Variants in CHST8 observed in about 807,000 individuals in gnomAD.
CHST8 encodes GALNAC-4-ST1.
In CHST8, 10 loss-of-function variants were observed where a neutral mutation model predicts 15.0. That is an observed-to-expected ratio of 0.67 (90% CI 0.41 to 1.13). The LOEUF is 1.13. Ranked by LOEUF, CHST8 falls within the 50% of genes most tolerant of loss-of-function variation. The pLI is 0.00. For synonymous variants in CHST8, 259 were observed against 256.6 expected (o/e 1.01, Z -0.09); for missense variants, 634 against 608.2 (o/e 1.04, Z -0.45).
chr19:33,648,866 A>T (rs1376870258), intron 1 of CHST8, among the ~76,000 whole-genome samples: 5 of 151,570 alleles, frequency 3.3e-5, no homozygotes, highest in Admixed American at 6.6e-5. Flanking sequence ...TATCTGTACA[A>T]TGCAATATTA....
At chr19:33,711,368 A>C (rs1973545586) in intron 3 of CHST8, among the ~76,000 whole-genome samples, 1 of 152,212 alleles carries the variant, frequency 6.6e-6, no homozygotes, top group Non-Finnish European at 1.5e-5. Flanking sequence ...CTCTGTAAAT[A>C]GAGCCCTCAG....
chr19:33,673,456 G>C (rs552340292), intron 2 of CHST8, among the ~76,000 whole-genome samples: 1 of 152,190 alleles, frequency 6.6e-6, no homozygotes, highest in Non-Finnish European at 1.5e-5. Flanking sequence ...GGAGGCCAGA[G>C]AATGTGTAGG....
chr19:33,649,187 A>G (rs1972399692), intron 1 of CHST8, among the ~76,000 whole-genome samples: 1 of 152,102 alleles, frequency 6.6e-6, no homozygotes, highest in Non-Finnish European at 1.5e-5. Context: ...TACAGACAGG[A>G]GCCACTGTGC....
intron 3 of CHST8, among the ~76,000 whole-genome samples, chr19:33,764,877 G>C (rs969955051): frequency 5.9e-5 from 9 of 151,812 alleles, no homozygotes; most frequent in African/African-American, 9.7e-5. Flanking sequence ...AAAATCCACT[G>C]TATCATTCTT....
At chr19:33,648,087 G>A (rs1972376800) in intron 1 of CHST8, among the ~76,000 whole-genome samples, 1 of 152,036 alleles carries the variant, frequency 6.6e-6, no homozygotes, top group Non-Finnish European at 1.5e-5. Context: ...TGGTGGATGT[G>A]GGGGATTGGC....
At chr19:33,728,237 C>T (rs1219697475) in intron 3 of CHST8, among the ~76,000 whole-genome samples, 1 of 152,282 alleles carries the variant, frequency 6.6e-6, no homozygotes, top group Non-Finnish European at 1.5e-5. Context: ...ATCATTCACA[C>T]ATCCCCGTTG....
intron 1 of CHST8, among the ~76,000 whole-genome samples, chr19:33,653,385 A>T (rs1025740146): frequency 6.6e-6 from 1 of 152,012 alleles, no homozygotes; most frequent in Non-Finnish European, 1.5e-5. Flanking sequence ...CTCTCTGGTT[A>T]TTTTTGTGAC....
intron 3 of CHST8, among the ~76,000 whole-genome samples, chr19:33,707,879 G>A (rs1395089552): frequency 5.3e-5 from 8 of 152,196 alleles, no homozygotes; most frequent in African/African-American, 1.7e-4. Flanking sequence ...CACCAGCAGG[G>A]TATGAAGGTT....
chr19:33,745,966 G>A (rs950748648), intron 3 of CHST8, among the ~76,000 whole-genome samples: 1 of 152,196 alleles, frequency 6.6e-6, no homozygotes, highest in Non-Finnish European at 1.5e-5. Context: ...GACAAGGAGT[G>A]ACTAAGGTTT....
At chr19:33,644,318 G>T (rs1972322035) in intron 1 of CHST8, among the ~76,000 whole-genome samples, 1 of 152,102 alleles carries the variant, frequency 6.6e-6, no homozygotes, top group Non-Finnish European at 1.5e-5. Flanking sequence ...GTGTGTGCTG[G>T]GTGCATGTCA....
At chr19:33,685,628 G>A (rs1972964027) in intron 2 of CHST8, among the ~76,000 whole-genome samples, 1 of 152,134 alleles carries the variant, frequency 6.6e-6, no homozygotes, top group Non-Finnish European at 1.5e-5. Context: ...TGATGAGGAT[G>A]GGACAGTCCC....
chr19:33,769,564 C>G (rs1031370296), intron 3 of CHST8, among the ~76,000 whole-genome samples: 8 of 151,998 alleles, frequency 5.3e-5, no homozygotes, highest in Non-Finnish European at 1.0e-4. Context: ...TCTGGAGGCT[C>G]GTGCTGGGAC....
intron 3 of CHST8, among the ~76,000 whole-genome samples, chr19:33,714,390 A>G (rs1438166247): frequency 6.6e-6 from 1 of 152,238 alleles, no homozygotes; most frequent in African/African-American, 2.4e-5. Context: ...CCTAAGTGAA[A>G]TAACTCAGAA....
At chr19:33,657,164 CAT>C (rs1568317140) in intron 1 of CHST8, among the ~76,000 whole-genome samples, 24 of 149,140 alleles carry the variant, frequency 1.6e-4, no homozygotes, top group African/African-American at 5.6e-4. Context: ...CACAAACACA[CAT>C]ATACTTATAC....
intron 2 of CHST8, among the ~76,000 whole-genome samples, chr19:33,682,187 G>GTTTTTTTT (rs869056900): frequency 5.2e-5 from 5 of 95,290 alleles, no homozygotes; most frequent in African/African-American, 1.3e-4. Context: ...TTTTGTTGTT[G>GTTTTTTTT]TTTTTTTTTT....
At chr19:33,637,405 T>A (rs1362276525) in intron 1 of CHST8, among the ~76,000 whole-genome samples, 1 of 13,322 alleles carries the variant, frequency 7.5e-5, no homozygotes, top group Middle Eastern at 0.016. Context: ...GTTCGCTTTC[T>A]TTTTTTTTTT....
chr19:33,622,884 A>G (rs1462295031), intron 1 of CHST8, among the ~76,000 whole-genome samples: 4 of 151,876 alleles, frequency 2.6e-5, no homozygotes, highest in Admixed American at 2.6e-4. Context: ...CGATGGTGTG[A>G]AGGTGTGTGC....
chr19:33,734,222 C>T (rs1436588672), intron 3 of CHST8, among the ~76,000 whole-genome samples: 2 of 152,090 alleles, frequency 1.3e-5, no homozygotes, highest in East Asian at 1.9e-4. Flanking sequence ...CTCCCACCAG[C>T]GCCATGACAG....
intron 3 of CHST8, among the ~76,000 whole-genome samples, chr19:33,762,774 T>C (rs1974762454): frequency 6.6e-6 from 1 of 152,238 alleles, no homozygotes; most frequent in South Asian, 2.1e-4. Flanking sequence ...GATGAATTTT[T>C]AGCCCATTTT....
Sources: gnomAD v4.1 joint callset for allele counts (sites outside exome capture counted in the v4.1 genomes callset) on GRCh38, gnomAD v4.1.1 for gene constraint, MANE v1.5 for transcripts, NCBI Gene and HGNC (gene_info 2026-07-23, HGNC 2026-07-21) for gene names.